Variants in SPRED2 observed in about 807,000 individuals in gnomAD.
The protein encoded by SPRED2 is sprouty-related, EVH1 domain-containing protein 2.
A neutral mutation model predicts 43.0 loss-of-function variants in SPRED2; 47 were observed. That is an observed-to-expected ratio of 1.09 (90% CI 0.87 to 1.40). SPRED2 has a LOEUF of 1.40. Among genes scored for constraint, SPRED2 ranks in the 40% most tolerant of loss-of-function variants. The probability of loss-of-function intolerance (pLI) is 0.00; values close to 1 mark genes in which losing one functional copy is unlikely to be tolerated. For synonymous variants in SPRED2, 225 were observed against 225.7 expected, an observed-to-expected ratio of 1.00 and a Z score of 0.03; for missense variants, 561 against 586.4, an observed-to-expected ratio of 0.96 and a Z score of 0.45.
chr2:65,323,312 A>G (rs1257422654), intron 4 of SPRED2, among the ~76,000 whole-genome samples: 2 of 152,098 alleles, frequency 1.3e-5, no homozygotes, highest in African/African-American at 2.4e-5. Flanking sequence ...AAATTTTTCT[A>G]TGGTAACTAT....
intron 4 of SPRED2, among the ~76,000 whole-genome samples, chr2:65,320,743 C>T (rs1290664294): frequency 6.6e-6 from 1 of 152,166 alleles, no homozygotes; most frequent in Non-Finnish European, 1.5e-5. Context: ...TCTTACAAAG[C>T]AGCTAGTGTG....
chr2:65,323,249 C>A (rs1673487137), intron 4 of SPRED2, among the ~76,000 whole-genome samples: 1 of 152,164 alleles, frequency 6.6e-6, no homozygotes, highest in African/African-American at 2.4e-5. Context: ...CCCACCTCAG[C>A]CTCCCAAAGT....
At chr2:65,322,983 T>C (rs758233177) in intron 4 of SPRED2, among the ~76,000 whole-genome samples, 2 of 152,154 alleles carry the variant, frequency 1.3e-5, no homozygotes, top group Non-Finnish European at 2.9e-5. Flanking sequence ...GCCTTACTAA[T>C]ATGTGATGTG....
intron 1 of SPRED2, among the ~76,000 whole-genome samples, chr2:65,411,873 A>C (rs915176440): frequency 1.2e-3 from 188 of 152,292 alleles, no homozygotes; most frequent in African/African-American, 4.4e-3. Flanking sequence ...TCACGCCTGT[A>C]ATCCCAGCAC....
rs370258147 is a variant in SPRED2, at chr2:65,419,450, C to G, written c.26+12512G>C. 8.5e-5 allele frequency among the ~76,000 whole-genome samples: 13 copies of G among 152,172 alleles called. No individual in the cohort carries two copies. In the East Asian group the frequency reaches 2.5e-3, roughly 29 times the overall value. ...CCCTCTGTGTATTCATCCCTCACCC[C>G]CAAAGAGTGCCCACACTTACGTTCT... On this transcript the variant is annotated intron_variant, in intron 1 of 5. Transcript: ENST00000356388.
chr2:65,405,763 C>T (rs1277721593), intron 1 of SPRED2, among the ~76,000 whole-genome samples: 1 of 152,182 alleles, frequency 6.6e-6, no homozygotes, highest in Non-Finnish European at 1.5e-5. Flanking sequence ...TTACATTTCT[C>T]ACTTTGAACT....
chr2:65,362,793 G>C (rs1674854876), intron 1 of SPRED2, among the ~76,000 whole-genome samples: 1 of 151,482 alleles, frequency 6.6e-6, no homozygotes, highest in Non-Finnish European at 1.5e-5. Context: ...GGGAGGTGAA[G>C]GTTGCAGTGA....
chr2:65,325,649 C>T (rs568089562), intron 4 of SPRED2, among the ~76,000 whole-genome samples: 2 of 152,228 alleles, frequency 1.3e-5, no homozygotes, highest in African/African-American at 4.8e-5. Context: ...ATTCAAGAAC[C>T]ACAGGATTAG....
Position 65,344,232 on chromosome 2 carries a change from T to A in SPRED2, c.204+487A>T, listed in dbSNP as rs148668414. 1,155 of 177,044 alleles carry A rather than the reference T, an allele frequency of 6.5e-3. 6 individuals are homozygous for A. Among genetic ancestry groups the A allele is most frequent in the Non-Finnish European group, 9.9e-3 (813 of 82,200 alleles). 11.0% of individuals were successfully genotyped at this position (177,044 alleles called of 1,614,324 possible). A position where few individuals can be genotyped will look rare whatever the true frequency, so the allele number is the denominator to read the frequency against. ...CTTTTTCCAAGCATGTTTTATTCAT[T>A]AGGGCATGAAATAAAAGCTAGATAA... On this transcript the variant is annotated intron_variant, in intron 2 of 5. Coordinates refer to ENST00000356388, the MANE Select transcript of SPRED2 (RefSeq NM_181784.3).
chr2:65,322,294 ATTT>A (rs1178902612), intron 4 of SPRED2, among the ~76,000 whole-genome samples: 31 of 64,938 alleles, frequency 4.8e-4, no homozygotes, highest in African/African-American at 1.6e-3. Context: ...ATATATATAT[ATTT>A]TTTTTTTTTT....
At chr2:65,339,733 T>TAA (rs35323811) in intron 2 of SPRED2, among the ~76,000 whole-genome samples, 1 of 130,388 alleles carries the variant, frequency 7.7e-6, no homozygotes, top group African/African-American at 2.7e-5. Flanking sequence ...AAAAAAATCC[T>TAA]AAAAAAAAAA....
At chr2:65,370,090 T>C (rs1675088202) in intron 1 of SPRED2, among the ~76,000 whole-genome samples, 1 of 152,242 alleles carries the variant, frequency 6.6e-6, no homozygotes, top group Non-Finnish European at 1.5e-5. Context: ...GCTGACTGTA[T>C]TGTGTAGTGG....
chr2:65,416,396 C>G (rs748502416), intron 1 of SPRED2, among the ~76,000 whole-genome samples: 10 of 152,128 alleles, frequency 6.6e-5, no homozygotes, highest in African/African-American at 1.7e-4. Context: ...GGAAATGAAC[C>G]ACACACATCT....
At chr2:65,383,325 G>A (rs1175708920) in intron 1 of SPRED2, among the ~76,000 whole-genome samples, 1 of 152,192 alleles carries the variant, frequency 6.6e-6, no homozygotes, top group Non-Finnish European at 1.5e-5. Flanking sequence ...TGTCTGTGAG[G>A]CCGGGGCCCT....
At chr2:65,411,745 C>T (rs1275315710) in intron 1 of SPRED2, among the ~76,000 whole-genome samples, 1 of 152,170 alleles carries the variant, frequency 6.6e-6, no homozygotes, top group Non-Finnish European at 1.5e-5. Flanking sequence ...TAAACACATA[C>T]TCAGGAACTA....
intron 1 of SPRED2, among the ~76,000 whole-genome samples, chr2:65,414,461 G>C (rs1236473195): frequency 6.6e-6 from 1 of 152,030 alleles, no homozygotes; most frequent in Non-Finnish European, 1.5e-5. Flanking sequence ...TGAGAACCAC[G>C]GAGGCTGTGA....
chr2:65,423,099 T>C (rs971606452), intron 1 of SPRED2, among the ~76,000 whole-genome samples: 1 of 152,246 alleles, frequency 6.6e-6, no homozygotes, highest in Non-Finnish European at 1.5e-5. Flanking sequence ...TCCCACTCCA[T>C]CGTCCACTTT....
chr2:65,340,620 G>C (rs1674148237), intron 2 of SPRED2, among the ~76,000 whole-genome samples: 1 of 152,186 alleles, frequency 6.6e-6, no homozygotes, highest in Admixed American at 6.5e-5. Flanking sequence ...TCTCAGGCTT[G>C]ACTGTCCCCA....
At chr2:65,344,641 A>G (rs1430581307) in intron 2 of SPRED2, 78 bp downstream of exon 2, 4 of 1,545,562 alleles carry the variant, frequency 2.6e-6, no homozygotes, top group Non-Finnish European at 3.5e-6. Flanking sequence ...AAAATACGTT[A>G]AGGAAAGAGG....
Sources: gnomAD v4.1 joint callset for allele counts (sites outside exome capture counted in the v4.1 genomes callset) on GRCh38, gnomAD v4.1.1 for gene constraint, MANE v1.5 for transcripts, NCBI Gene and HGNC (gene_info 2026-07-23, HGNC 2026-07-21) for gene names.